The following OPCML variants were observed in gnomAD, a reference collection of about 807,000 sequenced individuals.
OPCML encodes opioid-binding protein/cell adhesion molecule.
OPCML carries 13 observed loss-of-function variants against 37.8 expected under a neutral mutation model. The observed-to-expected ratio is 0.34, with a 90% CI of 0.22 to 0.55. The LOEUF is 0.55. Among genes scored for constraint, OPCML ranks in the 20% least tolerant of loss-of-function variants. OPCML has a pLI of 0.91. For missense variants in OPCML, 341 were observed against 435.6 expected, an observed-to-expected ratio of 0.78 and a Z score of 1.93; for synonymous variants, 176 against 168.8, an observed-to-expected ratio of 1.04 and a Z score of -0.33.
rs183300683 is a variant in OPCML at position 132,709,876 on chromosome 11, C to T, written c.147-52557G>A. Among the ~76,000 whole-genome samples the T allele has an allele frequency of 8.5e-5, 13 of 152,276 alleles. No individual in the cohort carries two copies. In the East Asian group the frequency reaches 2.5e-3, roughly 29 times the overall value. ...TCCTGCTTCTCTTTGATTTTTACCC[C>T]CTAATTTAAGCATTGGTCAGTGCCT... On this transcript the variant is annotated intron_variant, in intron 2 of 7. Coordinates refer to ENST00000524381, the MANE Select transcript of OPCML (RefSeq NM_001012393.5).
chr11:132,643,515 C>T (rs1161615096), intron 3 of OPCML, among the ~76,000 whole-genome samples: 2 of 152,188 alleles, frequency 1.3e-5, no homozygotes. Flanking sequence ...GAACACCAAG[C>T]CACGGGCGAG....
At chr11:132,538,303 A>C (rs1213877610) in intron 3 of OPCML, among the ~76,000 whole-genome samples, 1 of 152,230 alleles carries the variant, frequency 6.6e-6, no homozygotes, top group Non-Finnish European at 1.5e-5. Flanking sequence ...GAAGCGAAAC[A>C]CAAAAGACCA....
At chr11:132,651,185 T>A (rs888543199) in intron 3 of OPCML, among the ~76,000 whole-genome samples, 14 of 152,182 alleles carry the variant, frequency 9.2e-5, no homozygotes, top group Non-Finnish European at 1.3e-4. Context: ...CCTGTCTACG[T>A]ATTTAACTCT....
intron 1 of OPCML, among the ~76,000 whole-genome samples, chr11:133,036,017 G>A (rs574736692): frequency 9.3e-4 from 141 of 152,270 alleles, no homozygotes; most frequent in Middle Eastern, 6.8e-3. Context: ...CACTCATCCT[G>A]TATTACTTTG....
intron 1 of OPCML, among the ~76,000 whole-genome samples, chr11:133,426,535 T>C (rs1378962951): frequency 6.6e-6 from 1 of 152,158 alleles, no homozygotes; most frequent in African/African-American, 2.4e-5. Flanking sequence ...AGGTGCAGTT[T>C]GATGGGCTCA....
intron 4 of OPCML, among the ~76,000 whole-genome samples, chr11:132,500,529 C>G (rs1002934099): frequency 6.6e-6 from 1 of 152,166 alleles, no homozygotes; most frequent in Admixed American, 6.5e-5. Context: ...GGTGTCTTTA[C>G]ATGCTGTAAA....
At chr11:133,356,165 T>C (rs1434846075) in intron 1 of OPCML, among the ~76,000 whole-genome samples, 1 of 152,222 alleles carries the variant, frequency 6.6e-6, no homozygotes, top group East Asian at 1.9e-4. Context: ...AGCATGATTC[T>C]TTAGGCAGCT....
At chr11:132,463,385 C>T (rs946562162) in intron 4 of OPCML, among the ~76,000 whole-genome samples, 5 of 152,226 alleles carry the variant, frequency 3.3e-5, no homozygotes, top group Non-Finnish European at 2.9e-5. Context: ...ACAGCAATAA[C>T]AAGCTTTCCA....
At chr11:132,671,820 G>A (rs910659921) in intron 2 of OPCML, among the ~76,000 whole-genome samples, 3 of 151,488 alleles carry the variant, frequency 2.0e-5, no homozygotes, top group Admixed American at 6.6e-5. Flanking sequence ...GAAAGAGAAG[G>A]AGAGAGAAAA....
chr11:132,518,543 G>T (rs564316293), intron 4 of OPCML, among the ~76,000 whole-genome samples: 10 of 152,304 alleles, frequency 6.6e-5, no homozygotes, highest in African/African-American at 2.4e-4. Context: ...ATTTGGATGT[G>T]CTGTTCCCTG....
chr11:132,986,527 G>T (rs954990808), intron 1 of OPCML, among the ~76,000 whole-genome samples: 2 of 152,264 alleles, frequency 1.3e-5, no homozygotes, highest in African/African-American at 4.8e-5. Context: ...TCCTAAATGA[G>T]AATAAGCACC....
intron 1 of OPCML, among the ~76,000 whole-genome samples, chr11:133,073,687 C>T (rs777824067): frequency 5.9e-5 from 9 of 152,290 alleles, no homozygotes; most frequent in East Asian, 3.9e-4. Flanking sequence ...GCGAAGTCAC[C>T]GTGTTGCCAG....
At chr11:133,201,732 C>T (rs76358715) in intron 1 of OPCML, among the ~76,000 whole-genome samples, 1 of 152,108 alleles carries the variant, frequency 6.6e-6, no homozygotes, top group Non-Finnish European at 1.5e-5. Context: ...ACTTGGAGGA[C>T]TTTGTTCTCA....
intron 2 of OPCML, among the ~76,000 whole-genome samples, chr11:132,855,353 T>A (rs1436857192): frequency 6.6e-6 from 1 of 152,146 alleles, no homozygotes; most frequent in Non-Finnish European, 1.5e-5. Context: ...CACCAAATTA[T>A]CCATAAAAGC....
At position 133,218,721 on chromosome 11, in the gene OPCML, G is replaced by A. The variant is rs141134622; in HGVS notation, c.62-275711C>T. The stretch of plus-strand genomic sequence containing the variant: ...TTGCCTGGACACACGGTGTGATTAG[G>A]ATTATCCCATTTTACTCTGGAGCTG... On this transcript the variant is annotated intron_variant, in intron 1 of 7. Coordinates refer to ENST00000524381, the MANE Select transcript of OPCML (RefSeq NM_001012393.5). Among the ~76,000 whole-genome samples, 334 of 152,210 alleles carry A rather than the reference G, an allele frequency of 2.2e-3. 1 individual carries two copies. Among genetic ancestry groups the A allele is most frequent in the Middle Eastern group, 0.02 (6 of 294 alleles).
At chr11:132,982,203 T>C (rs10444346) in intron 1 of OPCML, among the ~76,000 whole-genome samples, 27,441 of 152,152 alleles carry the variant, frequency 0.18, 2,744 homozygotes, top group African/African-American at 0.22. Context: ...AAGCCCCTGC[T>C]TCTTTCTCCT....
chr11:132,664,021 A>AG (rs1215974799), intron 2 of OPCML, among the ~76,000 whole-genome samples: 1 of 151,946 alleles, frequency 6.6e-6, no homozygotes, highest in South Asian at 2.1e-4. Context: ...TTTAGTAGAG[A>AG]GGGGGTTTCA....
chr11:133,530,773 A>G (rs1014042541), intron 1 of OPCML, among the ~76,000 whole-genome samples: 1 of 152,228 alleles, frequency 6.6e-6, no homozygotes, highest in Non-Finnish European at 1.5e-5. Flanking sequence ...CATCTTCACA[A>G]GGTGTTACAA....
rs140821709 is a variant in OPCML at position 133,212,846 on chromosome 11, T to C, written c.62-269836A>G. Among the ~76,000 whole-genome samples the C allele has an allele frequency of 3.3e-5, 5 of 152,306 alleles. No individual in the cohort carries two copies. The East Asian group carries it at 9.6e-4, about 29-fold the overall frequency. ...AGTGAACTCATGACACTGCACCCTT[T>C]GTATGGGTTTCCATACTCTAAAATT... On this transcript the variant is annotated intron_variant, in intron 1 of 7. Transcript: ENST00000524381. This position sits in a 1 kb window ranked among gnomAD's most constrained non-coding sequence, Gnocchi z 4.9.
Sources: gnomAD v4.1 joint callset for allele counts (sites outside exome capture counted in the v4.1 genomes callset) on GRCh38, gnomAD v4.1.1 for gene constraint, Gnocchi (gnomAD v3.1) non-coding constraint, MANE v1.5 for transcripts, NCBI Gene and HGNC (gene_info 2026-07-23, HGNC 2026-07-21) for gene names.